KCNMA1: variants seen among roughly 807,000 people sequenced by gnomAD.
KCNMA1 encodes Calcium-activated potassium channel subunit alpha-1.
In KCNMA1, 29 loss-of-function variants were observed where a neutral mutation model predicts 140.0. The observed-to-expected ratio is 0.21, with a 90% CI of 0.15 to 0.28. The LOEUF is 0.28. Among genes scored for constraint, KCNMA1 ranks in the 10% least tolerant of loss-of-function variants. The probability of loss-of-function intolerance (pLI) is 1.00; values close to 1 mark genes in which losing one functional copy is unlikely to be tolerated. For missense variants in KCNMA1, 880 were observed against 1,602.2 expected, an observed-to-expected ratio of 0.55 and a Z score of 7.70; for synonymous variants, 612 against 611.9, an observed-to-expected ratio of 1.00 and a Z score of 0.00.
rs547395438 is a variant in KCNMA1, at chr10:77,312,367, C to T, written c.541-61111G>A. 7.2e-5 allele frequency among the ~76,000 whole-genome samples: 11 copies of T among 152,252 alleles called. No individual in the cohort carries two copies. The East Asian group carries it at 1.5e-3, about 21-fold the overall frequency. ...ATGGCCGGCCGCGGTGGCTCATGCC[C>T]GTAATCCCAGCACTTTGGGAGGCCA... On this transcript the variant is annotated intron_variant, in intron 2 of 27. Transcript: ENST00000286628.
rs372621527 is a variant in KCNMA1, at chr10:77,500,192, CAT to C, written c.379-96171_379-96170del. Among the ~76,000 whole-genome samples the C allele has an allele frequency of 2.3e-3, 350 of 151,038 alleles. 6 individuals are homozygous for C. In the South Asian group the frequency reaches 0.026, roughly 11 times the overall value. On this transcript the variant is annotated intron_variant, in intron 1 of 27. Coordinates refer to ENST00000286628, the MANE Select transcript of KCNMA1 (RefSeq NM_001161352.2). ...TTTTTAAAAAACAGAAAGGCCAAAA[CAT>C]ATTAGTTATTACAATCAAAATGTGT...
At chr10:76,977,866 C>A in intron 19 of KCNMA1, 1 of 510,688 alleles carries the variant, frequency 2.0e-6, no homozygotes, top group Non-Finnish European at 3.5e-6. Context: ...CTTTGGAAAG[C>A]AAGGCGAACC....
intron 2 of KCNMA1, among the ~76,000 whole-genome samples, chr10:77,296,232 A>C (rs1334975400): frequency 6.6e-6 from 1 of 152,182 alleles, no homozygotes; most frequent in Non-Finnish European, 1.5e-5. Flanking sequence ...TCAGAGAAGA[A>C]GATGTGCCAA....
At chr10:77,152,306 G>GTGTGTGTGTGT (rs983444378) in intron 5 of KCNMA1, among the ~76,000 whole-genome samples, 2 of 151,610 alleles carry the variant, frequency 1.3e-5, no homozygotes, top group South Asian at 4.2e-4. Flanking sequence ...GTGTGTGTGT[G>GTGTGTGTGTGT]TGTTGTTGCT....
At chr10:76,878,705 A>G (rs1356925033) in intron 29 of KCNMA1, among the ~76,000 whole-genome samples, 1 of 152,156 alleles carries the variant, frequency 6.6e-6, no homozygotes, top group Non-Finnish European at 1.5e-5. Flanking sequence ...GAAATGGCTG[A>G]GAGAGAATGC....
chr10:77,004,982 T>C lies in KCNMA1; in HGVS notation c.2093-3402A>G, dbSNP rs145910782. ...AGAAGTAAGTTTCTTATCTACTCCCTGGCCACACAAAGCATCCTCTCTCCT... is the reference window on the plus strand; with the variant it reads ...AGAAGTAAGTTTCTTATCTACTCCCCGGCCACACAAAGCATCCTCTCTCCT... On this transcript the variant is annotated intron_variant, in intron 18 of 27. Coordinates refer to ENST00000286628, the MANE Select transcript of KCNMA1 (RefSeq NM_001161352.2). 2.3e-3 allele frequency among the ~76,000 whole-genome samples: 358 copies of C among 152,346 alleles called. 4 individuals are homozygous for C. Among genetic ancestry groups the C allele is most frequent in the African/African-American group, 8.4e-3 (349 of 41,582 alleles).
chr10:77,122,481 G>A (rs1283463762), intron 5 of KCNMA1, among the ~76,000 whole-genome samples: 1 of 151,934 alleles, frequency 6.6e-6, no homozygotes, highest in African/African-American at 2.4e-5. Context: ...ACTTAGCACC[G>A]CTGAAAACCG....
chr10:77,362,951 A>T (rs916527951), intron 2 of KCNMA1, among the ~76,000 whole-genome samples: 2 of 152,176 alleles, frequency 1.3e-5, no homozygotes, highest in Non-Finnish European at 2.9e-5. Flanking sequence ...CTGGTCCATG[A>T]TATAATAGGA....
chr10:77,232,158 A>T (rs987568315), intron 3 of KCNMA1, among the ~76,000 whole-genome samples: 9 of 152,222 alleles, frequency 5.9e-5, no homozygotes, highest in Admixed American at 5.2e-4. Context: ...GCATAAGCAC[A>T]TCACATTTTG....
chr10:77,628,047 C>T (rs2092749703), intron 1 of KCNMA1, among the ~76,000 whole-genome samples: 1 of 146,540 alleles, frequency 6.8e-6, no homozygotes, highest in Non-Finnish European at 1.5e-5. Flanking sequence ...AAGATGAAGA[C>T]AGAGAGGACT....
rs550080900 is a variant in KCNMA1 at position 77,455,102 on chromosome 10, T to C, written c.379-51079A>G. On this transcript the variant is annotated intron_variant, in intron 1 of 27. Transcript: ENST00000286628. ...GAAGAATATATCAGCTTTGATCTCT[T>C]TCAGTTATTCATGCATTCTTTCATT... 3.3e-5 allele frequency among the ~76,000 whole-genome samples: 5 copies of C among 152,324 alleles called. No homozygotes were observed. The South Asian group carries it at 1.0e-3, about 32-fold the overall frequency.
intron 5 of KCNMA1, among the ~76,000 whole-genome samples, chr10:77,152,525 C>G (rs1554889703): frequency 8.5e-6 from 1 of 117,156 alleles, no homozygotes; most frequent in Non-Finnish European, 1.9e-5. Context: ...AGGAAAATCC[C>G]ACTGGGGTAC....
intron 1 of KCNMA1, among the ~76,000 whole-genome samples, chr10:77,590,843 C>CA (rs2078917625): frequency 2.0e-5 from 3 of 152,184 alleles, no homozygotes; most frequent in Admixed American, 2.0e-4. Context: ...GAAAAAGGTC[C>CA]AGCTGCTTCT....
intron 2 of KCNMA1, among the ~76,000 whole-genome samples, chr10:77,301,318 T>C (rs566233223): frequency 1.3e-5 from 2 of 152,348 alleles, no homozygotes; most frequent in South Asian, 4.1e-4. Context: ...TTTTGAACTT[T>C]GTAGAAATCT....
intron 1 of KCNMA1, among the ~76,000 whole-genome samples, chr10:77,571,733 C>T (rs1466474199): frequency 6.6e-6 from 1 of 152,186 alleles, no homozygotes; most frequent in African/African-American, 2.4e-5. Context: ...GCTTTCAATC[C>T]TGGCTTAAAG....
At chr10:77,504,305 C>A (rs1466761361) in intron 1 of KCNMA1, among the ~76,000 whole-genome samples, 1 of 152,170 alleles carries the variant, frequency 6.6e-6, no homozygotes, top group Non-Finnish European at 1.5e-5. Flanking sequence ...GTGCAGCTGG[C>A]AGGATTGGAA....
At chr10:77,415,653 G>A (rs539303480) in intron 1 of KCNMA1, among the ~76,000 whole-genome samples, 1 of 152,338 alleles carries the variant, frequency 6.6e-6, no homozygotes, top group East Asian at 1.9e-4. Context: ...TTTTACCGGA[G>A]GGAGCCCATT....
At chr10:77,407,868 G>C (rs900081194) in intron 1 of KCNMA1, among the ~76,000 whole-genome samples, 1 of 152,182 alleles carries the variant, frequency 6.6e-6, no homozygotes, top group African/African-American at 2.4e-5. Context: ...TCATCAACCA[G>C]TGGCCCTGGG....
intron 10 of KCNMA1, among the ~76,000 whole-genome samples, chr10:77,089,608 C>G (rs2096769295): frequency 6.6e-6 from 1 of 152,190 alleles, no homozygotes; most frequent in South Asian, 2.1e-4. Flanking sequence ...GATTATACAA[C>G]CAAATATATG....
Sources: gnomAD v4.1 joint callset for allele counts (sites outside exome capture counted in the v4.1 genomes callset) on GRCh38, gnomAD v4.1.1 for gene constraint, MANE v1.5 for transcripts, NCBI Gene and HGNC (gene_info 2026-07-23, HGNC 2026-07-21) for gene names.